Variants in DDX10 observed in about 807,000 individuals in gnomAD.
DDX10 encodes the protein probable ATP-dependent RNA helicase DDX10.
Under a neutral mutation model 104.3 loss-of-function variants are expected in DDX10, and 74 were observed. That is an observed-to-expected ratio of 0.71 (90% CI 0.59 to 0.86). The LOEUF (loss-of-function observed/expected upper bound fraction) is 0.86, where lower values mean the gene tolerates loss of function less well. DDX10 is among the 40% of genes least tolerant of loss of function. The pLI is 0.00. For synonymous variants in DDX10, 351 were observed against 353.4 expected (o/e 0.99, Z 0.08); for missense variants, 952 against 1,040.0 (o/e 0.92, Z 1.16).
At chr11:108,685,506 C>T in intron 6 of DDX10, among the ~76,000 whole-genome samples, 1 of 152,110 alleles carries the variant, frequency 6.6e-6, no homozygotes, top group Non-Finnish European at 1.5e-5. Context: ...GTTGCTCACG[C>T]TGGGAGCTGT....
intron 13 of DDX10, among the ~76,000 whole-genome samples, chr11:108,790,816 A>G (rs1861860749): frequency 6.6e-6 from 1 of 151,114 alleles, no homozygotes; most frequent in Non-Finnish European, 1.5e-5. Flanking sequence ...ACCCACACAC[A>G]CTTTCAGTCT....
At chr11:108,828,322 G>A (rs1862424703) in intron 13 of DDX10, among the ~76,000 whole-genome samples, 1 of 151,926 alleles carries the variant, frequency 6.6e-6, no homozygotes, top group Non-Finnish European at 1.5e-5. Flanking sequence ...TTTCCCCCGA[G>A]TCTCCAAAGT....
At chr11:108,880,088 G>C (rs1863207335) in intron 16 of DDX10, among the ~76,000 whole-genome samples, 1 of 152,192 alleles carries the variant, frequency 6.6e-6, no homozygotes, top group Non-Finnish European at 1.5e-5. Context: ...CTTCAGACTG[G>C]ATGGCTTAAA....
At chr11:108,698,573 T>G (rs1348952647) in intron 9 of DDX10, among the ~76,000 whole-genome samples, 1 of 152,162 alleles carries the variant, frequency 6.6e-6, no homozygotes, top group Non-Finnish European at 1.5e-5. Flanking sequence ...GGAGGGCTGA[T>G]ATTTCTTAGG....
intron 13 of DDX10, among the ~76,000 whole-genome samples, chr11:108,789,304 G>A (rs1861837123): frequency 6.6e-6 from 1 of 152,196 alleles, no homozygotes; most frequent in Non-Finnish European, 1.5e-5. Flanking sequence ...ACAAGTAGGA[G>A]ATGTCGTCAC....
At chr11:108,775,056 G>A (rs1409918405) in intron 13 of DDX10, among the ~76,000 whole-genome samples, 1 of 152,100 alleles carries the variant, frequency 6.6e-6, no homozygotes, top group African/African-American at 2.4e-5. Context: ...CAGAGACCAC[G>A]GTGAAACGTT....
intron 7 of DDX10, among the ~76,000 whole-genome samples, chr11:108,691,177 G>A (rs768187257): frequency 1.3e-4 from 20 of 152,182 alleles, no homozygotes; most frequent in African/African-American, 4.6e-4. Context: ...CTTTAATGGG[G>A]TCTTTCTCTT....
At chr11:108,820,219 ACTCTT>A (rs143199808) in intron 13 of DDX10, among the ~76,000 whole-genome samples, 223 of 152,082 alleles carry the variant, frequency 1.5e-3, no homozygotes, top group African/African-American at 5.1e-3. Flanking sequence ...GTTATTAACT[ACTCTT>A]CACTAAATTC....
intron 13 of DDX10, among the ~76,000 whole-genome samples, chr11:108,796,184 G>C (rs1311510297): frequency 6.6e-6 from 1 of 152,050 alleles, no homozygotes; most frequent in East Asian, 1.9e-4. Context: ...TCTCACACTT[G>C]TGATATTGCT....
intron 13 of DDX10, among the ~76,000 whole-genome samples, chr11:108,823,888 C>G (rs1862360112): frequency 6.6e-6 from 1 of 152,132 alleles, no homozygotes; most frequent in Admixed American, 6.5e-5. Context: ...CCATTTTGTT[C>G]AAACAAATTC....
chr11:108,924,508 G>C (rs753413939), intron 17 of DDX10, among the ~76,000 whole-genome samples: 1 of 152,120 alleles, frequency 6.6e-6, no homozygotes, highest in Non-Finnish European at 1.5e-5. Flanking sequence ...TGAATCAAAA[G>C]ACTAATCAAG....
chr11:108,889,268 T>G (rs528829491), intron 16 of DDX10, among the ~76,000 whole-genome samples: 94 of 152,308 alleles, frequency 6.2e-4, no homozygotes, highest in Non-Finnish European at 1.2e-3. Context: ...TTAACTTAAT[T>G]GACAATTCCA....
intron 4 of DDX10, among the ~76,000 whole-genome samples, 179 bp from the exon 5 acceptor site, chr11:108,678,135 AC>A (rs1408309891): frequency 1.3e-5 from 2 of 152,156 alleles, no homozygotes; most frequent in African/African-American, 4.8e-5. Flanking sequence ...TCCTGTAAAG[AC>A]TTTTATTTAG....
At chr11:108,928,228 A>T (rs1245548709) in intron 17 of DDX10, among the ~76,000 whole-genome samples, 1 of 152,206 alleles carries the variant, frequency 6.6e-6, no homozygotes, top group East Asian at 1.9e-4. Context: ...ATTCAAGTGG[A>T]ATAAGCCCTA....
chr11:108,666,110 A>T lies in DDX10; in HGVS notation c.186+771A>T, dbSNP rs142976617. 3.1e-3 allele frequency among the ~76,000 whole-genome samples: 466 copies of T among 152,018 alleles called. 1 individual carries two copies. The highest frequency in any genetic ancestry group is 0.011 in the African/African-American group (437 of 41,440). ...CCTCTTTTCCCTTTCCCTAAATCCC[A>T]TGTTTGTTGGTCTTCACCCACATCT... On this transcript the variant is annotated intron_variant, in intron 1 of 17. Transcript: ENST00000322536.
At chr11:108,839,067 G>A (rs908260804) in intron 14 of DDX10, among the ~76,000 whole-genome samples, 10 of 152,158 alleles carry the variant, frequency 6.6e-5, no homozygotes, top group South Asian at 2.1e-4. Flanking sequence ...TCCCTTAGCC[G>A]TATTGTAAAT....
intron 13 of DDX10, among the ~76,000 whole-genome samples, chr11:108,784,540 T>C (rs944381250): frequency 1.3e-5 from 2 of 152,080 alleles, no homozygotes; most frequent in Admixed American, 1.3e-4. Context: ...TAAATTATAT[T>C]GTTTGTTTTT....
chr11:108,685,828 G>A (rs561941111), intron 6 of DDX10, among the ~76,000 whole-genome samples: 1 of 152,094 alleles, frequency 6.6e-6, no homozygotes, highest in Non-Finnish European at 1.5e-5. Flanking sequence ...ATAGTTTCAG[G>A]ATAATACCAA....
chr11:108,679,581 T>G, intron 6 of DDX10, 21 bp downstream of exon 6: 1 of 1,512,790 alleles, frequency 6.6e-7, no homozygotes, highest in Non-Finnish European at 8.9e-7. Flanking sequence ...TTTGAGTCAA[T>G]CAAGATAAAT....
Sources: gnomAD v4.1 joint callset for allele counts (sites outside exome capture counted in the v4.1 genomes callset) on GRCh38, gnomAD v4.1.1 for gene constraint, MANE v1.5 for transcripts, NCBI Gene and HGNC (gene_info 2026-07-23, HGNC 2026-07-21) for gene names.